Variants in NGEF observed in about 807,000 individuals in gnomAD.
NGEF encodes ephexin-1.
In NGEF, 31 loss-of-function variants were observed where a neutral mutation model predicts 80.9. The observed-to-expected ratio is 0.38, with a 90% confidence interval of 0.29 to 0.52. The LOEUF (loss-of-function observed/expected upper bound fraction) is 0.52. Ranked by LOEUF, NGEF falls within the 20% of genes least tolerant of loss-of-function variation. The pLI is 0.84. For missense variants in NGEF, 709 were observed against 926.2 expected, an observed-to-expected ratio of 0.77 and a Z score of 3.04; for synonymous variants, 371 against 370.2, an observed-to-expected ratio of 1.00 and a Z score of -0.03.
intron 3 of NGEF, among the ~76,000 whole-genome samples, chr2:232,967,390 A>G (rs1400711033): frequency 5.3e-5 from 8 of 152,102 alleles, no homozygotes; most frequent in Non-Finnish European, 1.2e-4. Flanking sequence ...GCTGGTGTGC[A>G]GTGGCATGAT....
chr2:232,977,624 C>T (rs957121103), intron 1 of NGEF, among the ~76,000 whole-genome samples: 10 of 152,214 alleles, frequency 6.6e-5, no homozygotes, highest in African/African-American at 1.4e-4. Flanking sequence ...GCAGGGGTCC[C>T]GTGGGGTGGG....
intron 3 of NGEF, among the ~76,000 whole-genome samples, chr2:232,943,563 T>G (rs1457229237): frequency 1.7e-5 from 1 of 57,526 alleles, no homozygotes; most frequent in Admixed American, 1.8e-4. Flanking sequence ...TGGCGCGATC[T>G]CGGCTCACTG....
chr2:232,956,612 C>A (rs1296688775), intron 3 of NGEF, among the ~76,000 whole-genome samples: 3 of 151,802 alleles, frequency 2.0e-5, no homozygotes, highest in African/African-American at 7.2e-5. Flanking sequence ...ACTAAAAATA[C>A]GAAAAGTAGC....
intron 12 of NGEF, among the ~76,000 whole-genome samples, chr2:232,883,052 A>AAC (rs57854484): frequency 0.042 from 6,252 of 150,294 alleles, 140 homozygotes; most frequent in South Asian, 0.12. Flanking sequence ...GCCCCAAGGG[A>AAC]ACACACACAC....
intron 1 of NGEF, among the ~76,000 whole-genome samples, chr2:233,002,933 T>G (rs1294182083): frequency 1.3e-5 from 2 of 152,176 alleles, no homozygotes; most frequent in Admixed American, 1.3e-4. Flanking sequence ...TGGGGGACTC[T>G]GAGGAGCCTG....
chr2:232,960,744 G>A (rs934823932), intron 3 of NGEF, among the ~76,000 whole-genome samples: 3 of 152,162 alleles, frequency 2.0e-5, no homozygotes, highest in Admixed American at 2.0e-4. Flanking sequence ...CAGACGTGGT[G>A]GTGCATGCCT....
At chr2:232,990,308 T>A (rs1286895790) in intron 1 of NGEF, among the ~76,000 whole-genome samples, 2 of 152,070 alleles carry the variant, frequency 1.3e-5, no homozygotes, top group Non-Finnish European at 2.9e-5. Context: ...AAACTCAGGA[T>A]AATTGTATTA....
intron 3 of NGEF, among the ~76,000 whole-genome samples, chr2:232,968,105 T>TTTTTTTTTTTTTG (rs1694102814): frequency 6.6e-6 from 1 of 151,072 alleles, no homozygotes; most frequent in Admixed American, 6.6e-5. Flanking sequence ...TTTTTTTTTT[T>TTTTTTTTTTTTTG]GAGACAAAGT....
chr2:232,894,899 G>A lies in NGEF; in HGVS notation c.846C>T (p.Val282=). Residue 282 remains valine (V), a synonymous_variant, in exon 6 of 15, where the codon GTC becomes GTT. Coordinates refer to ENST00000264051, the MANE Select transcript of NGEF (RefSeq NM_019850.3). ...TCTTGTAGTAGGACGCCTCGGAAGT[G>A]ACCAGCTCGAACATGGCCTGTAGCA... ...IKLQEAMFEL[V]TSEASYYKSL... 3.1e-6 allele frequency: 5 copies of A among 1,593,178 alleles called. No homozygotes were observed. The highest frequency in any genetic ancestry group is 3.4e-6 in the Non-Finnish European group (4 of 1,163,812).
At chr2:232,940,789 T>C (rs1996342) in intron 3 of NGEF, among the ~76,000 whole-genome samples, 114,509 of 152,126 alleles carry the variant, frequency 0.75, 43,560 homozygotes, top group East Asian at 0.89. Flanking sequence ...TTTAAGCGTG[T>C]GTATATACTT....
chr2:232,897,002 G>A (rs1692115095), intron 5 of NGEF, among the ~76,000 whole-genome samples: 1 of 131,144 alleles, frequency 7.6e-6, no homozygotes, highest in South Asian at 2.6e-4. Flanking sequence ...AGGGGTGCGG[G>A]TGAGGGTAGG....
chr2:232,896,652 T>TGGGGTGGGGGTA (rs1692078419), intron 5 of NGEF, among the ~76,000 whole-genome samples: 1 of 4,116 alleles, frequency 2.4e-4, no homozygotes, highest in African/African-American at 1.4e-3. Flanking sequence ...GGGTAGGGGT[T>TGGGGTGGGGGTA]GGGGTGGGGG....
At chr2:232,928,776 G>A (rs990078556) in intron 3 of NGEF, among the ~76,000 whole-genome samples, 1 of 152,236 alleles carries the variant, frequency 6.6e-6, no homozygotes, top group South Asian at 2.1e-4. Flanking sequence ...GGGTTCGGGG[G>A]CACCAGAGGA....
intron 5 of NGEF, among the ~76,000 whole-genome samples, chr2:232,906,522 G>A (rs866177351): frequency 9.2e-5 from 1 of 10,824 alleles, no homozygotes; most frequent in Admixed American, 9.8e-4. Flanking sequence ...GAGGGAGGTG[G>A]GGGGGTCAGC....
intron 9 of NGEF, among the ~76,000 whole-genome samples, chr2:232,887,157 A>G (rs1441498230): frequency 6.6e-6 from 1 of 152,184 alleles, no homozygotes; most frequent in Non-Finnish European, 1.5e-5. Flanking sequence ...TGGAATATGG[A>G]CATCCCCCGC....
chr2:232,973,777 A>T (rs534476941), intron 2 of NGEF, among the ~76,000 whole-genome samples: 16 of 152,348 alleles, frequency 1.1e-4, no homozygotes, highest in African/African-American at 3.8e-4. Context: ...CAACCCCCAG[A>T]ATCATGAGAA....
At chr2:232,881,118 GC>G in intron 14 of NGEF, 27 bp downstream of exon 14, 3 of 1,595,306 alleles carry the variant, frequency 1.9e-6, no homozygotes, top group Non-Finnish European at 2.6e-6. Context: ...TCCCCTGGGG[GC>G]CCCGAGGGGA....
At chr2:232,954,418 C>A (rs563506588) in intron 3 of NGEF, among the ~76,000 whole-genome samples, 18 of 152,094 alleles carry the variant, frequency 1.2e-4, no homozygotes, top group Non-Finnish European at 1.9e-4. Context: ...TTGTAGGATG[C>A]TGTGGGAGCT....
intron 4 of NGEF, among the ~76,000 whole-genome samples, chr2:232,922,798 G>A (rs540488537): frequency 6.6e-6 from 1 of 152,344 alleles, no homozygotes; most frequent in Non-Finnish European, 1.5e-5. Context: ...GGCTGGGTGT[G>A]GTGGTTCATG....
Sources: allele counts gnomAD v4.1 joint callset (sites outside exome capture counted in the v4.1 genomes callset), GRCh38; gene constraint gnomAD v4.1.1; transcripts MANE v1.5; gene names NCBI Gene and HGNC (gene_info 2026-07-23, HGNC 2026-07-21).